The following MGAT4C variants were observed in gnomAD, a reference collection of about 807,000 sequenced individuals.
The protein encoded by MGAT4C is alpha-1,3-mannosyl-glycoprotein 4-beta-N-acetylglucosaminyltransferase C.
In MGAT4C, 19 loss-of-function variants were observed where a neutral mutation model predicts 40.1. The ratio of observed to expected loss-of-function variants is 0.47; its 90% CI spans 0.33 to 0.70. The LOEUF (loss-of-function observed/expected upper bound fraction) is 0.70. Among genes scored for constraint, MGAT4C ranks in the 30% least tolerant of loss-of-function variants. The pLI is 0.02. For missense variants in MGAT4C, 491 were observed against 563.2 expected (o/e 0.87, Z 1.30); for synonymous variants, 181 against 187.1 (o/e 0.97, Z 0.27).
At chr12:86,302,618 A>G (rs1953842843) in intron 4 of MGAT4C, among the ~76,000 whole-genome samples, 1 of 150,486 alleles carries the variant, frequency 6.6e-6, no homozygotes, top group African/African-American at 2.5e-5. Context: ...TAGTAGAGAC[A>G]GGGTTTCACC....
In MGAT4C at chr12:86,838,089, C is replaced by T. The variant is rs185243511; in HGVS notation, c.-262+577G>A. ...TGTAGCAATCAATTTTAGTAAAATCCTTTCAAACTCAAAAATAGATATCTG... is the reference window on the plus strand; with the variant it reads ...TGTAGCAATCAATTTTAGTAAAATCTTTTCAAACTCAAAAATAGATATCTG... On this transcript the variant is annotated intron_variant, in intron 1 of 7. Transcript: ENST00000548651. Among the ~76,000 whole-genome samples the T allele has an allele frequency of 3.7e-4, 56 of 152,120 alleles. No homozygotes were observed. In the Middle Eastern group the frequency reaches 0.014, roughly 37 times the overall value.
chr12:86,811,336 A>ATTTTT (rs553885593), intron 1 of MGAT4C, among the ~76,000 whole-genome samples: 40 of 106,946 alleles, frequency 3.7e-4, no homozygotes, highest in Admixed American at 3.2e-4. Context: ...CACTCATAGT[A>ATTTTT]TTTTTTTTTT....
intron 1 of MGAT4C, among the ~76,000 whole-genome samples, chr12:86,827,128 A>G (rs1952823000): frequency 6.6e-6 from 1 of 151,394 alleles, no homozygotes; most frequent in African/African-American, 2.4e-5. Flanking sequence ...TTACTGTAAA[A>G]CTGCTTTAGT....
intron 1 of MGAT4C, among the ~76,000 whole-genome samples, chr12:86,055,638 T>G (rs1457612161): frequency 1.3e-5 from 2 of 152,048 alleles, no homozygotes; most frequent in Admixed American, 1.3e-4. Context: ...TTTCCATGTA[T>G]GCAAAGGATC....
chr12:86,399,074 G>A (rs1383084125), intron 3 of MGAT4C, among the ~76,000 whole-genome samples: 2 of 151,996 alleles, frequency 1.3e-5, no homozygotes, highest in East Asian at 1.9e-4. Flanking sequence ...GGATTCAAGC[G>A]ATTCTCCTGC....
chr12:86,802,369 G>C lies in MGAT4C; in HGVS notation c.-262+36297C>G, dbSNP rs577401819. Among the ~76,000 whole-genome samples the C allele has an allele frequency of 5.9e-5, 9 of 151,960 alleles. No individual in the cohort carries two copies. The East Asian group carries it at 1.4e-3, about 23-fold the overall frequency. On this transcript the variant is annotated intron_variant, in intron 1 of 7. Coordinates refer to the MGAT4C transcript ENST00000548651. ...AACTAAATATTCTGTTCCTTTTGAG[G>C]TGCTTTAGTTATGGTTTTTAAAGCT...
chr12:86,328,353 A>C (rs1954576078), intron 4 of MGAT4C, among the ~76,000 whole-genome samples: 1 of 152,152 alleles, frequency 6.6e-6, no homozygotes, highest in Admixed American at 6.5e-5. Context: ...AGAAAGAAAT[A>C]AAAATGCAAA....
chr12:86,801,480 G>T (rs181877463), intron 1 of MGAT4C, among the ~76,000 whole-genome samples: 1 of 151,796 alleles, frequency 6.6e-6, no homozygotes, highest in Non-Finnish European at 1.5e-5. Context: ...GAATCCAGGG[G>T]ATAGGAGATC....
chr12:86,284,774 G>T (rs2136121896), intron 4 of MGAT4C, among the ~76,000 whole-genome samples: 1 of 152,004 alleles, frequency 6.6e-6, no homozygotes, highest in South Asian at 2.1e-4. Context: ...GTTCCATGCA[G>T]CCTTCTCCCA....
intron 1 of MGAT4C, among the ~76,000 whole-genome samples, chr12:86,761,907 TGGCATATA>T (rs1443658727): frequency 1.3e-5 from 2 of 152,150 alleles, no homozygotes; most frequent in Non-Finnish European, 2.9e-5. Context: ...AAAGTCTCTG[TGGCATATA>T]GAATAATATT....
chr12:86,207,631 T>C (rs762994426), intron 1 of MGAT4C, among the ~76,000 whole-genome samples: 7 of 152,292 alleles, frequency 4.6e-5, no homozygotes, highest in Non-Finnish European at 8.8e-5. Flanking sequence ...GACACTTATA[T>C]AGCATATACT....
chr12:85,970,359 T>C lies in MGAT4C; in HGVS notation c.*8930A>G, dbSNP rs1456889596. 1 of 151,294 alleles carries C rather than the reference T, an allele frequency of 6.6e-6. No homozygotes were observed. The highest frequency in any genetic ancestry group is 2.4e-5 in the African/African-American group (1 of 41,372). 9.4% of individuals were successfully genotyped at this position (151,294 alleles called of 1,614,324 possible). ...TAAATTTTGAATCATCTGGTAAAAA[T>C]GGACAAAATTTAGTTTTATCTTGTG... On this transcript the variant is annotated 3_prime_UTR_variant, in exon 5 of 5. Transcript: ENST00000611864.
At chr12:86,473,085 AC>A (rs1957779324) in intron 2 of MGAT4C, among the ~76,000 whole-genome samples, 1 of 151,918 alleles carries the variant, frequency 6.6e-6, no homozygotes. Flanking sequence ...CTTCCCAAAT[AC>A]CTGGGATTAC....
At chr12:86,660,468 T>C (rs148922639) in intron 2 of MGAT4C, among the ~76,000 whole-genome samples, 251 of 152,314 alleles carry the variant, frequency 1.6e-3, no homozygotes, top group Non-Finnish European at 1.9e-3. Context: ...TAAATATCTA[T>C]ATGGAAGTGT....
chr12:86,435,512 A>T (rs1474713542), intron 2 of MGAT4C, among the ~76,000 whole-genome samples: 1 of 151,658 alleles, frequency 6.6e-6, no homozygotes, highest in Admixed American at 6.6e-5. Flanking sequence ...GTCTAAGATT[A>T]AAAAAAATAC....
In MGAT4C at chr12:85,973,722, T is replaced by A. The variant is rs1286295806; in HGVS notation, c.*5567A>T. 1 of 150,832 alleles carries A rather than the reference T, an allele frequency of 6.6e-6. No homozygotes were observed. Among genetic ancestry groups the A allele is most frequent in the Admixed American group, 6.6e-5 (1 of 15,078 alleles). 9.3% of individuals were successfully genotyped at this position (150,832 alleles called of 1,614,324 possible). ...ACAATTTACCTATCACTTTCTCACATAATCAATTTAACTTTTTGGTAAATC... is the reference window on the plus strand; with the variant it reads ...ACAATTTACCTATCACTTTCTCACAAAATCAATTTAACTTTTTGGTAAATC... On this transcript the variant is annotated 3_prime_UTR_variant, in exon 5 of 5. Transcript: ENST00000611864.
chr12:86,591,778 G>A lies in MGAT4C; in HGVS notation c.-229+135431C>T, dbSNP rs531330055. On this transcript the variant is annotated intron_variant, in intron 2 of 7. Coordinates refer to the MGAT4C transcript ENST00000548651. ...CTTTTGCAAATTTAATTATATAAAA[G>A]CATTAATTATTCAAATGAAATTCAA... 2.4e-4 allele frequency among the ~76,000 whole-genome samples: 36 copies of A among 151,646 alleles called. 1 individual carries two copies. Among genetic ancestry groups the A allele is most frequent in the South Asian group, 6.3e-4 (3 of 4,788 alleles).
chr12:86,528,395 A>AT (rs1486450843), intron 2 of MGAT4C, among the ~76,000 whole-genome samples: 1 of 152,080 alleles, frequency 6.6e-6, no homozygotes, highest in African/African-American at 2.4e-5. Flanking sequence ...AAATCCTCAT[A>AT]TAAGTTATAT....
rs112061137 is a variant in MGAT4C, at chr12:86,010,751, A to T, written c.-6-21199T>A. On this transcript the variant is annotated intron_variant, in intron 2 of 4. Coordinates refer to ENST00000611864, the MANE Select transcript of MGAT4C (RefSeq NM_001351288.2). ...GAAAGATAATCCCCAGTGTAACAGT[A>T]TTAAAAGGTGAGGCCTTTAACAGGT... is the stretch of plus-strand genomic sequence containing the variant. Among the ~76,000 whole-genome samples, 644 of 152,334 alleles carry T rather than the reference A, an allele frequency of 4.2e-3. 4 individuals carry two copies. The highest frequency in any genetic ancestry group is 0.015 in the African/African-American group (620 of 41,564).
Sources: allele counts gnomAD v4.1 joint callset (sites outside exome capture counted in the v4.1 genomes callset), GRCh38; gene constraint gnomAD v4.1.1; transcripts MANE v1.5; gene names NCBI Gene and HGNC (gene_info 2026-07-23, HGNC 2026-07-21).